The following CLASP1 variants were observed in gnomAD, a reference collection of about 807,000 sequenced individuals.
CLASP1 encodes the protein cytoplasmic linker associated protein 1, also known as CLIP-associating protein 1.
A neutral mutation model predicts 192.3 loss-of-function variants in CLASP1; 38 were observed. That is an observed-to-expected ratio of 0.20 (90% CI 0.15 to 0.26). The LOEUF (loss-of-function observed/expected upper bound fraction) is 0.26, where lower values mean the gene tolerates loss of function less well. CLASP1 is among the 10% of genes least tolerant of loss of function. The pLI is 1.00. For synonymous variants in CLASP1, 691 were observed against 712.8 expected, an observed-to-expected ratio of 0.97 and a Z score of 0.49; for missense variants, 1,433 against 1,932.5, an observed-to-expected ratio of 0.74 and a Z score of 4.85.
At chr2:121,632,493 T>G (rs751092697) in intron 1 of CLASP1, among the ~76,000 whole-genome samples, 7 of 151,872 alleles carry the variant, frequency 4.6e-5, no homozygotes, top group Non-Finnish European at 7.4e-5. Context: ...GAAATCATGA[T>G]ATGCCATGCA....
chr2:121,489,654 T>A (rs2093187267), intron 8 of CLASP1, among the ~76,000 whole-genome samples: 1 of 152,228 alleles, frequency 6.6e-6, no homozygotes, highest in Non-Finnish European at 1.5e-5. Flanking sequence ...TAAAATCACT[T>A]CGATATTGGC....
chr2:121,466,775 T>C (rs1345546444), intron 9 of CLASP1, among the ~76,000 whole-genome samples: 2 of 152,228 alleles, frequency 1.3e-5, no homozygotes, highest in African/African-American at 4.8e-5. Flanking sequence ...AGGAACCATG[T>C]TGCTTGTAAG....
chr2:121,614,238 A>G (rs1445494240), intron 1 of CLASP1, among the ~76,000 whole-genome samples: 6 of 152,180 alleles, frequency 3.9e-5, no homozygotes, highest in East Asian at 3.8e-4. Flanking sequence ...GCTCACGCCT[A>G]TAATCCCAGC....
chr2:121,637,608 G>A (rs542518878), intron 1 of CLASP1, among the ~76,000 whole-genome samples: 16 of 152,216 alleles, frequency 1.1e-4, no homozygotes, highest in East Asian at 1.9e-4. Context: ...TTAGGCTGGC[G>A]TGGTGGCTCA....
intron 14 of CLASP1, among the ~76,000 whole-genome samples, chr2:121,453,890 C>T (rs777165873): frequency 4.6e-5 from 7 of 152,226 alleles, no homozygotes; most frequent in Non-Finnish European, 7.3e-5. Context: ...ACACTGCTCT[C>T]TTAAGCTCCC....
intron 16 of CLASP1, 25 bp from the exon 17 acceptor site, chr2:121,449,145 G>C (rs745371623): frequency 1.2e-6 from 2 of 1,610,378 alleles, no homozygotes; most frequent in South Asian, 2.2e-5. Flanking sequence ...CAAAATCCTG[G>C]TCTAATTCAA....
chr2:121,396,643 A>G (rs2075324582), intron 30 of CLASP1, among the ~76,000 whole-genome samples: 2 of 152,264 alleles, frequency 1.3e-5, no homozygotes, highest in African/African-American at 4.8e-5. Context: ...AGCCCGTACC[A>G]GGCAATACTT....
chr2:121,395,451 T>C (rs1229424609), intron 30 of CLASP1, among the ~76,000 whole-genome samples: 1 of 152,226 alleles, frequency 6.6e-6, no homozygotes, highest in Non-Finnish European at 1.5e-5. Flanking sequence ...ACTATGTTAC[T>C]CCAGGTATAT....
chr2:121,444,864 A>G, intron 19 of CLASP1: 1 of 949,022 alleles, frequency 1.1e-6, no homozygotes, highest in East Asian at 5.5e-5. Flanking sequence ...ACAAGTGGGT[A>G]CTGGGCAACA....
intron 2 of CLASP1, among the ~76,000 whole-genome samples, chr2:121,569,381 T>C (rs7581098): frequency 0.19 from 28,615 of 152,138 alleles, 4,814 homozygotes; most frequent in African/African-American, 0.45. Context: ...TCAGGGCGGC[T>C]GGAGGACAGT....
chr2:121,377,074 T>C (rs897892330), intron 34 of CLASP1, among the ~76,000 whole-genome samples: 11 of 152,250 alleles, frequency 7.2e-5, no homozygotes, highest in African/African-American at 2.7e-4. Flanking sequence ...TCCCACCAAC[T>C]GGCCTGGTCT....
chr2:121,628,234 A>C (rs2068751482), intron 1 of CLASP1, among the ~76,000 whole-genome samples: 2 of 152,232 alleles, frequency 1.3e-5, no homozygotes, highest in Admixed American at 6.5e-5. Flanking sequence ...TACTACATAC[A>C]GCAGCTCGGT....
At chr2:121,620,723 T>C (rs1028701557) in intron 1 of CLASP1, among the ~76,000 whole-genome samples, 3 of 152,186 alleles carry the variant, frequency 2.0e-5, no homozygotes, top group African/African-American at 4.8e-5. Context: ...CCTTTGCTCA[T>C]TTGTTAACTG....
intron 37 of CLASP1, among the ~76,000 whole-genome samples, chr2:121,352,199 T>A (rs1397083382): frequency 6.6e-6 from 1 of 152,238 alleles, no homozygotes; most frequent in East Asian, 1.9e-4. Context: ...TCTTTGGTGT[T>A]CTGCGGGCCT....
At chr2:121,537,564 T>G (rs1164379524) in intron 2 of CLASP1, among the ~76,000 whole-genome samples, 1 of 152,154 alleles carries the variant, frequency 6.6e-6, no homozygotes, top group Admixed American at 6.5e-5. Context: ...CTACATTGTT[T>G]AAAAGATGAA....
intron 8 of CLASP1, among the ~76,000 whole-genome samples, chr2:121,490,534 G>A (rs1032018415): frequency 1.3e-5 from 2 of 152,194 alleles, no homozygotes; most frequent in African/African-American, 4.8e-5. Context: ...ATTTAAGAGA[G>A]TCTTCTTTAA....
intron 30 of CLASP1, among the ~76,000 whole-genome samples, chr2:121,389,001 T>C (rs1558994913): frequency 6.6e-6 from 1 of 152,210 alleles, no homozygotes; most frequent in African/African-American, 2.4e-5. Context: ...TCAATGCTTT[T>C]ACAATGCTAA....
rs567384400 is a variant in CLASP1, at chr2:121,505,849, C to T, written c.645-2615G>A. ...AGATTTAGTTCAAATTAGTTCCTTC[C>T]TAGAAAATTTTATATATAAATTTTA... On this transcript the variant is annotated intron_variant, in intron 7 of 39. Transcript: ENST00000263710. Among the ~76,000 whole-genome samples the T allele has an allele frequency of 2.0e-5, 3 of 151,952 alleles. 1 individual carries two copies. The highest frequency in any genetic ancestry group is 7.2e-5 in the African/African-American group (3 of 41,478).
At chr2:121,408,882 T>C in intron 24 of CLASP1, 1 of 694,966 alleles carries the variant, frequency 1.4e-6, no homozygotes, top group Non-Finnish European at 2.5e-6. Context: ...ACAATGATGG[T>C]GAATCACTGT....
Sources: gnomAD v4.1 joint callset for allele counts (sites outside exome capture counted in the v4.1 genomes callset) on GRCh38, gnomAD v4.1.1 for gene constraint, MANE v1.5 for transcripts, NCBI Gene and HGNC (gene_info 2026-07-23, HGNC 2026-07-21) for gene names.